Variants in CSNK1G1 observed in about 807,000 individuals in gnomAD.
CSNK1G1 encodes the protein casein kinase 1 gamma 1.
CSNK1G1 carries 22 observed loss-of-function variants against 59.6 expected under a neutral mutation model. The ratio of observed to expected loss-of-function variants is 0.37; its 90% CI spans 0.26 to 0.53. The LOEUF is 0.53. Ranked by LOEUF, CSNK1G1 falls within the 20% of genes least tolerant of loss-of-function variation. The pLI is 0.89. For missense variants in CSNK1G1, 384 were observed against 519.5 expected (o/e 0.74, Z 2.54); for synonymous variants, 179 against 177.1 (o/e 1.01, Z -0.08).
intron 1 of CSNK1G1, among the ~76,000 whole-genome samples, chr15:64,313,870 C>A (rs200702898): frequency 3.5e-5 from 5 of 143,598 alleles, no homozygotes; most frequent in East Asian, 2.0e-4. Context: ...AGGTATATGG[C>A]AAAAAAAAAA....
chr15:64,276,920 C>T (rs1272346303), intron 2 of CSNK1G1, among the ~76,000 whole-genome samples: 1 of 146,688 alleles, frequency 6.8e-6, no homozygotes, highest in Non-Finnish European at 1.5e-5. Flanking sequence ...GCACTCCAGC[C>T]TGGGTGACAG....
At position 64,181,154 on chromosome 15, in the gene CSNK1G1, A is replaced by G; in HGVS notation, c.1108-700T>C. ...TCTCCGACAAGAGGGAAGATGGTAA[A>G]AAAACACTCTCCCTTGGAAAGCCAG... On this transcript the variant is annotated intron_variant, in intron 10 of 11. Transcript: ENST00000303052. 3 of 1,487,608 alleles carry G rather than the reference A, an allele frequency of 2.0e-6. 1 individual carries two copies. The Admixed American group carries it at 7.1e-5, about 35-fold the overall frequency. 92.2% of individuals were successfully genotyped at this position (1,487,608 alleles called of 1,614,324 possible). A position where few individuals can be genotyped will look rare whatever the true frequency, so the allele number is the denominator to read the frequency against.
At chr15:64,187,021 C>A (rs1223751208) in intron 10 of CSNK1G1, among the ~76,000 whole-genome samples, 2 of 151,848 alleles carry the variant, frequency 1.3e-5, no homozygotes, top group Non-Finnish European at 1.5e-5. Context: ...CGGGGTTTCA[C>A]CATGTTGGCC....
intron 10 of CSNK1G1, among the ~76,000 whole-genome samples, chr15:64,187,202 T>C (rs941616448): frequency 6.6e-6 from 1 of 151,712 alleles, no homozygotes; most frequent in African/African-American, 2.4e-5. Flanking sequence ...ATGGTTTTTT[T>C]TGGGGGGGAT....
At position 64,200,110 on chromosome 15, in the gene CSNK1G1, T is replaced by C. The variant is rs2082089058; in HGVS notation, c.1107+2972A>G. Among the ~76,000 whole-genome samples the C allele has an allele frequency of 1.3e-5, 2 of 151,726 alleles. No homozygotes were observed. Among genetic ancestry groups the C allele is most frequent in the African/African-American group, 4.8e-5 (2 of 41,300 alleles). On this transcript the variant is annotated intron_variant, in intron 10 of 11. Coordinates refer to ENST00000303052, the MANE Select transcript of CSNK1G1 (RefSeq NM_022048.5). The surrounding 1 kb of genome is among the most constrained non-coding windows in gnomAD (Gnocchi z 4.3). ...ACATACAAAAATTAGCCCGGTGTGG[T>C]GGCAGGCACCTGTAATCCCAGCTTC...
At chr15:64,243,525 A>G (rs1165670146) in intron 4 of CSNK1G1, among the ~76,000 whole-genome samples, 1 of 152,146 alleles carries the variant, frequency 6.6e-6, no homozygotes, top group Non-Finnish European at 1.5e-5. Context: ...CTAATTCAAC[A>G]TAGTACTAGA....
intron 10 of CSNK1G1, among the ~76,000 whole-genome samples, chr15:64,185,920 A>T (rs1315008088): frequency 2.0e-5 from 3 of 152,064 alleles, no homozygotes; most frequent in Non-Finnish European, 4.4e-5. Context: ...TTATAAAAAG[A>T]CAAGGATAAA....
In CSNK1G1 at chr15:64,262,491, G is replaced by A. The variant is rs538493194; in HGVS notation, c.182-3250C>T. On this transcript the variant is annotated intron_variant, in intron 2 of 11. Coordinates refer to ENST00000303052, the MANE Select transcript of CSNK1G1 (RefSeq NM_022048.5). ...ATGCACAGGATGTGATATACTGTGG[G>A]TAGACCCATATAATCGGAGCACATA... is the stretch of plus-strand genomic sequence containing the variant. Among the ~76,000 whole-genome samples, 6 of 152,308 alleles carry A rather than the reference G, an allele frequency of 3.9e-5. No homozygotes were observed. In the East Asian group the frequency reaches 9.6e-4, roughly 24 times the overall value.
rs1282760262 is a variant in CSNK1G1 at position 64,214,763 on chromosome 15, C to T, written c.445-639G>A. Reference sequence around the variant, plus strand: ...TAGCAATTCTCGTGCCTCAGCCTCCCGGGTAGCTGGGATTACATGCACATG... The same window carrying T: ...TAGCAATTCTCGTGCCTCAGCCTCCTGGGTAGCTGGGATTACATGCACATG... On this transcript the variant is annotated intron_variant, in intron 5 of 11. Coordinates refer to ENST00000303052, the MANE Select transcript of CSNK1G1 (RefSeq NM_022048.5). This position sits in a 1 kb window ranked among gnomAD's most constrained non-coding sequence, Gnocchi z 4.3. Among the ~76,000 whole-genome samples the T allele has an allele frequency of 3.3e-5, 5 of 151,978 alleles. No individual in the cohort carries two copies. The highest frequency in any genetic ancestry group is 7.3e-5 in the African/African-American group (3 of 41,366).
At chr15:64,180,289 A>T in intron 11 of CSNK1G1, 59 bp downstream of exon 11, 1 of 1,208,022 alleles carries the variant, frequency 8.3e-7, no homozygotes. Context: ...ACAGAGAGGA[A>T]GAGACAGAAA....
chr15:64,202,927 G>C (rs1045969266), intron 10 of CSNK1G1, among the ~76,000 whole-genome samples, 155 bp downstream of exon 10: 49 of 152,128 alleles, frequency 3.2e-4, no homozygotes, highest in Admixed American at 3.0e-3. Context: ...ATGCCCTGAG[G>C]GTTGCTTGAA....
In CSNK1G1 at chr15:64,166,320, G is replaced by A. The variant is rs149507637; in HGVS notation, c.*5611C>T. On this transcript the variant is annotated 3_prime_UTR_variant, in exon 12 of 12. Transcript: ENST00000303052. The surrounding 1 kb of genome is among the most constrained non-coding windows in gnomAD (Gnocchi z 4.5). ...TGCTGAATCAACATTATTTTCCATT[G>A]GGGGGTATATATTTTTGGTTTATCT... 143 of 286,562 alleles carry A rather than the reference G, an allele frequency of 5.0e-4. No homozygotes were observed. Among genetic ancestry groups the A allele is most frequent in the African/African-American group, 3.0e-3 (140 of 46,072 alleles). The allele number at this position is 286,562 out of a possible 1,614,324, so 17.8% of individuals were successfully genotyped here.
intron 4 of CSNK1G1, among the ~76,000 whole-genome samples, chr15:64,219,408 CA>C (rs2082356315): frequency 6.6e-6 from 1 of 152,170 alleles, no homozygotes; most frequent in South Asian, 2.1e-4. Flanking sequence ...TTATATTCTT[CA>C]AAGCAGGTTG....
At chr15:64,190,641 C>T (rs972548259) in intron 10 of CSNK1G1, among the ~76,000 whole-genome samples, 2 of 151,986 alleles carry the variant, frequency 1.3e-5, no homozygotes, top group African/African-American at 4.8e-5. Flanking sequence ...CTTGAACTCC[C>T]GACCTCAGGT....
chr15:64,226,229 G>A (rs1179411263), intron 4 of CSNK1G1, among the ~76,000 whole-genome samples: 1 of 152,134 alleles, frequency 6.6e-6, no homozygotes. Flanking sequence ...ATTGGAGGTG[G>A]GTAGGGGCAG....
chr15:64,238,935 A>T (rs976040679), intron 4 of CSNK1G1, among the ~76,000 whole-genome samples: 15 of 152,128 alleles, frequency 9.9e-5, no homozygotes, highest in Non-Finnish European at 1.9e-4. Context: ...GAACAGGAGG[A>T]CCCAAAAGTC....
At chr15:64,204,788 T>C in intron 8 of CSNK1G1, 77 bp downstream of exon 8, 1 of 1,138,414 alleles carries the variant, frequency 8.8e-7, no homozygotes, top group Non-Finnish European at 1.3e-6. Context: ...ACAGCACCCC[T>C]ATCTAGAGAT....
intron 4 of CSNK1G1, among the ~76,000 whole-genome samples, chr15:64,248,929 G>A (rs915302595): frequency 6.6e-6 from 1 of 152,138 alleles, no homozygotes; most frequent in East Asian, 1.9e-4. Context: ...GACCATCCTG[G>A]CTAACATGGT....
At chr15:64,285,102 A>G (rs577707964) in intron 2 of CSNK1G1, among the ~76,000 whole-genome samples, 1 of 152,218 alleles carries the variant, frequency 6.6e-6, no homozygotes, top group African/African-American at 2.4e-5. Flanking sequence ...AATAACCTCT[A>G]TTTTCATGAA....
Sources: allele counts gnomAD v4.1 joint callset (sites outside exome capture counted in the v4.1 genomes callset), GRCh38; gene constraint gnomAD v4.1.1; non-coding constraint Gnocchi (gnomAD v3.1); transcripts MANE v1.5; gene names NCBI Gene and HGNC (gene_info 2026-07-23, HGNC 2026-07-21).